GPHN: variants seen among roughly 807,000 people sequenced by gnomAD.
The protein encoded by GPHN is gephyrin.
A neutral mutation model predicts 95.5 loss-of-function variants in GPHN; 17 were observed. The ratio of observed to expected loss-of-function variants is 0.18; its 90% CI spans 0.12 to 0.27. The LOEUF is 0.27. GPHN is among the 10% of genes least tolerant of loss of function. GPHN has a pLI of 1.00. For synonymous variants in GPHN, 320 were observed against 322.5 expected, an observed-to-expected ratio of 0.99 and a Z score of 0.08; for missense variants, 660 against 978.1, an observed-to-expected ratio of 0.67 and a Z score of 4.34.
Position 67,159,459 on chromosome 14 carries a change from C to A in GPHN, c.1881C>A (p.Ile627=). The A allele has an allele frequency of 1.9e-6, 3 of 1,607,034 alleles. No individual in the cohort carries two copies. The highest frequency in any genetic ancestry group is 2.6e-6 in the Non-Finnish European group (3 of 1,173,658). ...QVLDIDLHAQ[I]HFGRVFMKPG... ...TGGACATTGATCTTCATGCTCAGAT[C>A]CATTTTGGCAGGGTTTTTATGAAAC... Residue 627 remains isoleucine, a synonymous_variant, in exon 19 of 23, where the codon ATC becomes ATA. Coordinates refer to ENST00000478722, the MANE Select transcript of GPHN (RefSeq NM_020806.5).
chr14:66,845,357 T>C (rs2062274108), intron 4 of GPHN, among the ~76,000 whole-genome samples: 1 of 152,118 alleles, frequency 6.6e-6, no homozygotes, highest in Non-Finnish European at 1.5e-5. Context: ...GCAGAAGAAA[T>C]TATAAACTTT....
At chr14:66,810,813 C>T (rs1182036963) in intron 3 of GPHN, among the ~76,000 whole-genome samples, 1 of 152,066 alleles carries the variant, frequency 6.6e-6, no homozygotes, top group African/African-American at 2.4e-5. Flanking sequence ...GTCCATGTTT[C>T]AATAACTTGC....
intron 9 of GPHN, among the ~76,000 whole-genome samples, chr14:67,017,197 CTAT>C (rs1469409123): frequency 6.6e-6 from 1 of 152,034 alleles, no homozygotes; most frequent in African/African-American, 2.4e-5. Context: ...CACATAAGAG[CTAT>C]TATTAAACTC....
At chr14:66,792,524 A>G (rs906799952) in intron 3 of GPHN, among the ~76,000 whole-genome samples, 1 of 152,064 alleles carries the variant, frequency 6.6e-6, no homozygotes, top group East Asian at 1.9e-4. Context: ...AAGGAATACT[A>G]TTTTTAAAAA....
At chr14:67,294,624 T>C in the GPHN span, 1 of 152,086 alleles carries the variant, frequency 6.6e-6, no homozygotes, top group Admixed American at 6.6e-5. Flanking sequence ...AAATCTTTGA[T>C]GATCTAGCAT....
intron 10 of GPHN, among the ~76,000 whole-genome samples, chr14:67,049,763 A>G (rs1253772250): frequency 6.6e-6 from 1 of 152,154 alleles, no homozygotes; most frequent in African/African-American, 2.4e-5. Context: ...CGCCCACCTC[A>G]GCCTCCCAAA....
chr14:67,683,228 T>C, the GPHN span, among the ~76,000 whole-genome samples: 14 of 152,266 alleles, frequency 9.2e-5, no homozygotes, highest in South Asian at 1.9e-3. Context: ...TAGTAAGTTA[T>C]GGATTTAGAG....
intron 17 of GPHN, among the ~76,000 whole-genome samples, chr14:67,134,163 T>C (rs1205886242): frequency 6.6e-6 from 1 of 152,214 alleles, no homozygotes; most frequent in Non-Finnish European, 1.5e-5. Flanking sequence ...TTAAGGAAAA[T>C]CTGCAACAAC....
intron 10 of GPHN, among the ~76,000 whole-genome samples, chr14:67,057,326 A>G (rs2075627076): frequency 6.6e-6 from 1 of 152,032 alleles, no homozygotes; most frequent in Non-Finnish European, 1.5e-5. Context: ...TATCCTCAGT[A>G]AACTAACACA....
chr14:66,617,801 T>C (rs2063114006), intron 1 of GPHN, among the ~76,000 whole-genome samples: 1 of 152,214 alleles, frequency 6.6e-6, no homozygotes, highest in African/African-American at 2.4e-5. Flanking sequence ...ACATGTGTAG[T>C]GAATTACATT....
intron 2 of GPHN, among the ~76,000 whole-genome samples, chr14:66,750,831 C>T (rs1310650557): frequency 6.6e-6 from 1 of 151,864 alleles, no homozygotes; most frequent in African/African-American, 2.4e-5. Context: ...CCTAATTGTA[C>T]TAGGTTGCTT....
intron 1 of GPHN, among the ~76,000 whole-genome samples, chr14:66,674,923 T>G (rs2066498829): frequency 6.6e-6 from 1 of 152,244 alleles, no homozygotes; most frequent in South Asian, 2.1e-4. Context: ...CGTACTAATT[T>G]ACATATCCAC....
chr14:67,205,236 A>G, the GPHN span: 1 of 782,384 alleles, frequency 1.3e-6, no homozygotes, highest in Non-Finnish European at 2.0e-6. Context: ...GTGAGATTAA[A>G]TCTCTGAACC....
chr14:67,307,588 G>A, the GPHN span, among the ~76,000 whole-genome samples: 1 of 152,224 alleles, frequency 6.6e-6, no homozygotes, highest in South Asian at 2.1e-4. Flanking sequence ...CCCATTATAG[G>A]TATAAAAATG....
chr14:66,546,594 A>T (rs2059609331), intron 1 of GPHN, among the ~76,000 whole-genome samples: 1 of 151,892 alleles, frequency 6.6e-6, no homozygotes, highest in African/African-American at 2.4e-5. Context: ...ACACAGCGAA[A>T]CCCCGTCTCC....
chr14:67,327,853 G>C, the GPHN span, among the ~76,000 whole-genome samples: 1 of 152,190 alleles, frequency 6.6e-6, no homozygotes, highest in African/African-American at 2.4e-5. Context: ...ATTCCATGGT[G>C]TATATGTGCC....
intron 19 of GPHN, among the ~76,000 whole-genome samples, chr14:67,163,920 A>G (rs945036164): frequency 1.3e-5 from 2 of 152,052 alleles, no homozygotes; most frequent in African/African-American, 2.4e-5. Flanking sequence ...ACCTCCTATG[A>G]TAAGAGTTCA....
At chr14:66,932,447 T>G (rs1282844250) in intron 8 of GPHN, among the ~76,000 whole-genome samples, 2 of 89,346 alleles carry the variant, frequency 2.2e-5, no homozygotes, top group East Asian at 2.6e-4. Flanking sequence ...AGACCAGGTT[T>G]TTTTTTTTTT....
the GPHN span, among the ~76,000 whole-genome samples, chr14:67,389,418 T>G: frequency 6.6e-6 from 1 of 152,012 alleles, no homozygotes; most frequent in Non-Finnish European, 1.5e-5. Flanking sequence ...GGGAGTAAAG[T>G]GCGGAACAAA....
Sources: allele counts gnomAD v4.1 joint callset (sites outside exome capture counted in the v4.1 genomes callset), GRCh38; gene constraint gnomAD v4.1.1; transcripts MANE v1.5; gene names NCBI Gene and HGNC (gene_info 2026-07-23, HGNC 2026-07-21).